RAB2A: variants seen among roughly 807,000 people sequenced by gnomAD.
The protein encoded by RAB2A is RAB2A, member RAS oncogene family.
Under a neutral mutation model 32.5 loss-of-function variants are expected in RAB2A, and 7 were observed. The observed-to-expected ratio is 0.22, with a 90% confidence interval of 0.12 to 0.40. RAB2A has a LOEUF of 0.40. RAB2A is among the 10% of genes least tolerant of loss of function. The pLI is 1.00. For missense variants in RAB2A, 108 were observed against 260.7 expected, an observed-to-expected ratio of 0.41 and a Z score of 4.03; for synonymous variants, 79 against 85.2, an observed-to-expected ratio of 0.93 and a Z score of 0.40.
At chr8:60,618,379 T>G (rs1804482038) in intron 6 of RAB2A, among the ~76,000 whole-genome samples, 1 of 152,198 alleles carries the variant, frequency 6.6e-6, no homozygotes, top group African/African-American at 2.4e-5. Context: ...CTATTGATGA[T>G]CATGAGGGCT....
At chr8:60,537,208 G>C (rs147088309) in intron 1 of RAB2A, among the ~76,000 whole-genome samples, 2 of 151,988 alleles carry the variant, frequency 1.3e-5, no homozygotes, top group African/African-American at 4.8e-5. Flanking sequence ...TATTCTAATC[G>C]TATAAATATT....
chr8:60,623,574 G>A lies in RAB2A; in HGVS notation c.*2805G>A, dbSNP rs1055429171. The stretch of plus-strand genomic sequence containing the variant: ...CCAGCATATCTACCTGTATTTCTCA[G>A]AGTTTAGATGTGTGCTTTATGTTTA... On this transcript the variant is annotated 3_prime_UTR_variant, in exon 8 of 8. Coordinates refer to ENST00000262646, the MANE Select transcript of RAB2A (RefSeq NM_002865.3). 1.3e-5 allele frequency: 2 copies of A among 152,156 alleles called. No homozygotes were observed. The highest frequency in any genetic ancestry group is 1.3e-4 in the Admixed American group (2 of 15,274). 9.4% of individuals were successfully genotyped at this position (152,156 alleles called of 1,614,324 possible). A position where few individuals can be genotyped will look rare whatever the true frequency, so the allele number is the denominator to read the frequency against.
intron 6 of RAB2A, among the ~76,000 whole-genome samples, chr8:60,608,416 TTTTC>T (rs771697483): frequency 1.1e-4 from 16 of 151,820 alleles, no homozygotes; most frequent in Non-Finnish European, 2.1e-4. Flanking sequence ...CATGACACCG[TTTTC>T]TTTCTTTTTC....
chr8:60,593,160 T>C (rs1803969397), intron 6 of RAB2A, among the ~76,000 whole-genome samples: 1 of 152,222 alleles, frequency 6.6e-6, no homozygotes, highest in East Asian at 1.9e-4. Flanking sequence ...CAGTCATGTG[T>C]TGCTTGACAA....
chr8:60,611,952 A>G (rs1804355786), intron 6 of RAB2A, among the ~76,000 whole-genome samples: 1 of 152,200 alleles, frequency 6.6e-6, no homozygotes, highest in Non-Finnish European at 1.5e-5. Context: ...TGCTGCAGCA[A>G]CAAACCCTAA....
At chr8:60,599,951 G>A (rs971264323) in intron 6 of RAB2A, among the ~76,000 whole-genome samples, 2 of 151,792 alleles carry the variant, frequency 1.3e-5, no homozygotes, top group Admixed American at 6.6e-5. Flanking sequence ...TGTTTAAGTA[G>A]ATGAAAAGAC....
intron 1 of RAB2A, among the ~76,000 whole-genome samples, chr8:60,543,081 A>G (rs989871134): frequency 6.6e-6 from 1 of 152,254 alleles, no homozygotes; most frequent in Non-Finnish European, 1.5e-5. Flanking sequence ...ACTAGGAATT[A>G]TTATAGACAG....
rs1804551210 is a variant in RAB2A, at chr8:60,622,879, C to G, written c.*2110C>G. 1 of 152,164 alleles carries G rather than the reference C, an allele frequency of 6.6e-6. No homozygotes were observed. The highest frequency in any genetic ancestry group is 1.5e-5 in the Non-Finnish European group (1 of 68,028). 9.4% of individuals were successfully genotyped at this position (152,164 alleles called of 1,614,324 possible). A position where few individuals can be genotyped will look rare whatever the true frequency, so the allele number is the denominator to read the frequency against. ...TACCGTTAAGGAATATGTTATGAAT[C>G]CTTTCTGTTAATTGAGAAAGCAATG... On this transcript the variant is annotated 3_prime_UTR_variant, in exon 8 of 8. Coordinates refer to ENST00000262646, the MANE Select transcript of RAB2A (RefSeq NM_002865.3).
chr8:60,520,999 A>G (rs1807293735), intron 1 of RAB2A, among the ~76,000 whole-genome samples: 1 of 152,146 alleles, frequency 6.6e-6, no homozygotes, highest in Non-Finnish European at 1.5e-5. Context: ...AAATTTTTGT[A>G]GAGATGGGCT....
At chr8:60,556,138 C>T (rs1221822402) in intron 1 of RAB2A, among the ~76,000 whole-genome samples, 4 of 152,058 alleles carry the variant, frequency 2.6e-5, no homozygotes, top group Non-Finnish European at 4.4e-5. Flanking sequence ...GTTCTCGTAT[C>T]CACAATAAGT....
Position 60,591,886 on chromosome 8 carries a change from AAAG to A in RAB2A, c.398_400del (p.Glu133del). On this transcript the variant is annotated inframe_deletion, in exon 6 of 8. Transcript: ENST00000262646. ...TTTAGAATCTAGAAGAGAAGTAAAA[AAAG>A]AAGAAGGTGAAGCTTTTGCACGAGA... 6.2e-7 allele frequency: 1 copy of A among 1,612,340 alleles called. No homozygotes were observed. The highest frequency in any genetic ancestry group is 8.5e-7 in the Non-Finnish European group (1 of 1,178,730).
At chr8:60,566,310 A>T (rs576666226) in intron 2 of RAB2A, among the ~76,000 whole-genome samples, 1 of 152,160 alleles carries the variant, frequency 6.6e-6, no homozygotes, top group African/African-American at 2.4e-5. Context: ...TGTAAATTAG[A>T]GTCAAAAAAA....
intron 6 of RAB2A, among the ~76,000 whole-genome samples, chr8:60,597,748 CAA>C (rs1563482343): frequency 6.6e-6 from 1 of 151,998 alleles, no homozygotes; most frequent in South Asian, 2.1e-4. Flanking sequence ...ATCAGTGAAA[CAA>C]AGAGCTGGAT....
intron 3 of RAB2A, among the ~76,000 whole-genome samples, chr8:60,573,577 A>C (rs969986623): frequency 6.6e-6 from 1 of 152,162 alleles, no homozygotes; most frequent in African/African-American, 2.4e-5. Context: ...TCCTCAGTGA[A>C]GAGTCATACT....
At chr8:60,595,507 C>T (rs1804007606) in intron 6 of RAB2A, among the ~76,000 whole-genome samples, 1 of 152,122 alleles carries the variant, frequency 6.6e-6, no homozygotes, top group Non-Finnish European at 1.5e-5. Flanking sequence ...AAGAAACTCA[C>T]TCCAAATACA....
At chr8:60,602,236 A>C (rs559011981) in intron 6 of RAB2A, among the ~76,000 whole-genome samples, 3 of 152,336 alleles carry the variant, frequency 2.0e-5, no homozygotes, top group African/African-American at 7.2e-5. Context: ...AAACCCTTAT[A>C]GACATCATCT....
chr8:60,598,911 T>A (rs953665744), intron 6 of RAB2A, among the ~76,000 whole-genome samples: 3 of 117,046 alleles, frequency 2.6e-5, no homozygotes, highest in Non-Finnish European at 4.8e-5. Context: ...AACATATTGA[T>A]GGAAGTTCTA....
At chr8:60,587,975 G>A (rs953204484) in intron 5 of RAB2A, among the ~76,000 whole-genome samples, 1 of 152,166 alleles carries the variant, frequency 6.6e-6, no homozygotes, top group Non-Finnish European at 1.5e-5. Context: ...CTACTGATGG[G>A]AACGTAAAAT....
At chr8:60,571,061 T>C (rs1043647543) in intron 2 of RAB2A, among the ~76,000 whole-genome samples, 1 of 152,202 alleles carries the variant, frequency 6.6e-6, no homozygotes, top group African/African-American at 2.4e-5. Context: ...AGAGTTGTCT[T>C]CACAACTGTT....
Sources: gnomAD v4.1 joint callset for allele counts (sites outside exome capture counted in the v4.1 genomes callset) on GRCh38, gnomAD v4.1.1 for gene constraint, MANE v1.5 for transcripts, NCBI Gene and HGNC (gene_info 2026-07-23, HGNC 2026-07-21) for gene names.